Variants in BMPR2 observed in about 807,000 individuals in gnomAD.
The protein encoded by BMPR2 is bone morphogenetic protein receptor type-2.
BMPR2 carries 29 observed loss-of-function variants against 100.8 expected under a neutral mutation model. The observed-to-expected ratio is 0.29, with a 90% CI of 0.21 to 0.39. The LOEUF is 0.39. Among genes scored for constraint, BMPR2 ranks in the 10% least tolerant of loss-of-function variants. The probability of loss-of-function intolerance (pLI) is 1.00; values close to 1 mark genes in which losing one functional copy is unlikely to be tolerated. For synonymous variants in BMPR2, 382 were observed against 442.3 expected (o/e 0.86, Z 1.71); for missense variants, 1,011 against 1,274.5 (o/e 0.79, Z 3.15).
At chr2:202,390,925 CT>C (rs1690533917) in intron 1 of BMPR2, among the ~76,000 whole-genome samples, 1 of 133,968 alleles carries the variant, frequency 7.5e-6, no homozygotes, top group Admixed American at 7.6e-5. Flanking sequence ...TTTGTGTTAT[CT>C]TAGGAAAGCC....
chr2:202,518,086 A>C (rs1687749651), intron 5 of BMPR2, among the ~76,000 whole-genome samples: 1 of 135,980 alleles, frequency 7.4e-6, no homozygotes, highest in South Asian at 2.4e-4. Flanking sequence ...TCAGCCTCCC[A>C]AAGGGCTGGG....
At chr2:202,533,369 T>A (rs1183722514) in intron 9 of BMPR2, among the ~76,000 whole-genome samples, 1 of 151,572 alleles carries the variant, frequency 6.6e-6, no homozygotes. Context: ...CTGACCAATA[T>A]GGTGAAACCC....
intron 1 of BMPR2, among the ~76,000 whole-genome samples, chr2:202,393,933 G>GAGAT (rs1690608813): frequency 1.6e-5 from 2 of 121,680 alleles, no homozygotes. Context: ...GAGAGAGAGA[G>GAGAT]ATTCCTGTGA....
chr2:202,516,662 C>T (rs1045830536), intron 5 of BMPR2, among the ~76,000 whole-genome samples: 7 of 151,748 alleles, frequency 4.6e-5, no homozygotes, highest in African/African-American at 1.7e-4. Flanking sequence ...AAAAAAAGGA[C>T]AAAAGGTATT....
At chr2:202,395,953 CAAAA>C (rs1369240246) in intron 1 of BMPR2, among the ~76,000 whole-genome samples, 2 of 150,430 alleles carry the variant, frequency 1.3e-5, no homozygotes, top group African/African-American at 4.9e-5. Flanking sequence ...AAAAAACAAA[CAAAA>C]AACAAAAAAA....
At chr2:202,492,769 C>CTAG (rs1428824971) in intron 3 of BMPR2, among the ~76,000 whole-genome samples, 1 of 144,308 alleles carries the variant, frequency 6.9e-6, no homozygotes, top group Non-Finnish European at 1.5e-5. Flanking sequence ...AGTGGGAAAG[C>CTAG]TAGAGCAAGG....
chr2:202,480,117 A>G (rs1328329533), intron 3 of BMPR2, among the ~76,000 whole-genome samples: 3 of 151,812 alleles, frequency 2.0e-5, no homozygotes, highest in Non-Finnish European at 4.4e-5. Context: ...GTCACTCTGA[A>G]ACCATTTTCT....
At chr2:202,465,009 C>G in intron 2 of BMPR2, 30 bp downstream of exon 2, 4 of 1,610,908 alleles carry the variant, frequency 2.5e-6, no homozygotes, top group Non-Finnish European at 3.4e-6. Flanking sequence ...CCTGAAATGA[C>G]TGTGTTTTAT....
chr2:202,490,987 G>C (rs984156412), intron 3 of BMPR2, among the ~76,000 whole-genome samples: 3 of 152,044 alleles, frequency 2.0e-5, no homozygotes, highest in Non-Finnish European at 2.9e-5. Context: ...CTGGAGTGCA[G>C]TGGCACAATT....
chr2:202,467,766 T>C, intron 3 of BMPR2, 77 bp downstream of exon 3: 2 of 1,488,098 alleles, frequency 1.3e-6, no homozygotes, highest in Non-Finnish European at 1.9e-6. Flanking sequence ...TTAAAAAACA[T>C]TCAAGGTTGA....
intron 1 of BMPR2, among the ~76,000 whole-genome samples, chr2:202,391,268 G>A (rs572926540): frequency 1.3e-5 from 2 of 151,862 alleles, no homozygotes; most frequent in South Asian, 2.1e-4. Flanking sequence ...GAGCCACTGC[G>A]CCTTAGTAAG....
chr2:202,523,017 A>G (rs1421522422), intron 7 of BMPR2, among the ~76,000 whole-genome samples: 1 of 152,190 alleles, frequency 6.6e-6, no homozygotes, highest in African/African-American at 2.4e-5. Context: ...TGTATAAGGA[A>G]CTTAAACAAT....
intron 1 of BMPR2, among the ~76,000 whole-genome samples, chr2:202,453,203 GTCT>G (rs1692022978): frequency 2.5e-5 from 2 of 79,372 alleles, no homozygotes; most frequent in Admixed American, 2.7e-4. Flanking sequence ...AATATATACT[GTCT>G]TTTTTTTTTT....
intron 3 of BMPR2, among the ~76,000 whole-genome samples, chr2:202,485,350 C>G (rs966473929): frequency 6.6e-6 from 1 of 151,740 alleles, no homozygotes; most frequent in African/African-American, 2.4e-5. Context: ...CAGTCTAAAG[C>G]CAAGGTATTG....
intron 1 of BMPR2, among the ~76,000 whole-genome samples, chr2:202,405,459 C>T (rs1169476175): frequency 1.3e-5 from 2 of 151,984 alleles, no homozygotes; most frequent in African/African-American, 2.4e-5. Context: ...AGGGCTGAGG[C>T]GGGCGGATCA....
intron 10 of BMPR2, 63 bp from the exon 11 acceptor site, chr2:202,552,653 T>C: frequency 1.3e-6 from 2 of 1,575,068 alleles, no homozygotes; most frequent in South Asian, 1.1e-5. Flanking sequence ...TGTGGTAAAC[T>C]GAAAAGCTCA....
At chr2:202,508,371 G>C (rs1324616641) in intron 3 of BMPR2, among the ~76,000 whole-genome samples, 1 of 152,132 alleles carries the variant, frequency 6.6e-6, no homozygotes, top group South Asian at 2.1e-4. Flanking sequence ...GATTACAGGC[G>C]TGAGCCACTG....
At chr2:202,546,898 A>G (rs977416480) in intron 10 of BMPR2, among the ~76,000 whole-genome samples, 1 of 144,378 alleles carries the variant, frequency 6.9e-6, no homozygotes, top group Non-Finnish European at 1.5e-5. Context: ...CACCGTGCCC[A>G]GCCGGTGTTT....
At chr2:202,422,989 T>C (rs1488858995) in intron 1 of BMPR2, among the ~76,000 whole-genome samples, 1 of 152,120 alleles carries the variant, frequency 6.6e-6, no homozygotes, top group Admixed American at 6.5e-5. Flanking sequence ...GTATATTCTT[T>C]TAAAATAATA....
Sources: gnomAD v4.1 joint callset for allele counts (sites outside exome capture counted in the v4.1 genomes callset) on GRCh38, gnomAD v4.1.1 for gene constraint, MANE v1.5 for transcripts, NCBI Gene and HGNC (gene_info 2026-07-23, HGNC 2026-07-21) for gene names.